MYO16: variants seen among roughly 807,000 people sequenced by gnomAD.
MYO16 encodes the protein unconventional myosin-XVI.
Under a neutral mutation model 205.3 loss-of-function variants are expected in MYO16, and 94 were observed. The ratio of observed to expected loss-of-function variants is 0.46; its 90% CI spans 0.39 to 0.54. MYO16 has a LOEUF of 0.54. MYO16 is among the 20% of genes least tolerant of loss of function. MYO16 has a pLI of 0.00. For missense variants in MYO16, 2,315 were observed against 2,387.5 expected, an observed-to-expected ratio of 0.97 and a Z score of 0.63; for synonymous variants, 988 against 954.0, an observed-to-expected ratio of 1.04 and a Z score of -0.66.
At chr13:108,811,499 T>C (rs1186298910) in intron 7 of MYO16, among the ~76,000 whole-genome samples, 1 of 151,298 alleles carries the variant, frequency 6.6e-6, no homozygotes, top group Non-Finnish European at 1.5e-5. Context: ...CATCTGTGTA[T>C]ACCCAGGGGC....
chr13:109,196,750 G>A (rs958763974), intron 34 of MYO16, among the ~76,000 whole-genome samples: 20 of 152,116 alleles, frequency 1.3e-4, no homozygotes, highest in East Asian at 9.6e-4. Context: ...TTGGACGTCA[G>A]GTTTTCCTAG....
chr13:108,768,631 A>T (rs1193207931), intron 4 of MYO16, among the ~76,000 whole-genome samples: 5 of 152,234 alleles, frequency 3.3e-5, no homozygotes, highest in African/African-American at 7.2e-5. Flanking sequence ...TATAGGACAC[A>T]GACATAGTGT....
intron 5 of MYO16, among the ~76,000 whole-genome samples, chr13:108,790,217 GA>G (rs1423509672): frequency 2.0e-5 from 3 of 152,180 alleles, no homozygotes; most frequent in Non-Finnish European, 4.4e-5. Flanking sequence ...CAGAGAAAAG[GA>G]AAAGTTGAAT....
intron 33 of MYO16, among the ~76,000 whole-genome samples, chr13:109,177,265 C>T (rs891554216): frequency 6.6e-6 from 1 of 152,200 alleles, no homozygotes; most frequent in Non-Finnish European, 1.5e-5. Context: ...AATCATGCTG[C>T]TGTGTGTTTG....
chr13:108,553,005 C>CTTTTTTTTTTTTTTT, the MYO16 span, among the ~76,000 whole-genome samples: 1 of 64,848 alleles, frequency 1.5e-5, no homozygotes, highest in Admixed American at 2.6e-4. Flanking sequence ...CTTTAATACT[C>CTTTTTTTTTTTTTTT]TTTTTTTTTT....
At chr13:108,628,192 T>G (rs559488888), upstream of MYO16, among the ~76,000 whole-genome samples, 1 of 152,312 alleles carries the variant, frequency 6.6e-6, no homozygotes, top group Admixed American at 6.5e-5. Context: ...ATTTTATTCC[T>G]GAAAAGCACC....
chr13:108,603,976 G>C (rs928168473), intron 1 of MYO16, among the ~76,000 whole-genome samples: 7 of 152,114 alleles, frequency 4.6e-5, no homozygotes, highest in Admixed American at 4.6e-4. Flanking sequence ...TCACAGTTCT[G>C]CTTGGCTAGG....
At chr13:108,906,608 T>C (rs189262047) in intron 15 of MYO16, among the ~76,000 whole-genome samples, 3 of 152,310 alleles carry the variant, frequency 2.0e-5, no homozygotes, top group Admixed American at 2.0e-4. Flanking sequence ...GCATCCTTTA[T>C]TGCAAACAGC....
chr13:108,933,762 A>G (rs1007338899), intron 16 of MYO16, among the ~76,000 whole-genome samples: 1 of 151,284 alleles, frequency 6.6e-6, no homozygotes, highest in Admixed American at 6.6e-5. Context: ...CCTTCCTCCC[A>G]CCTCTGGTAG....
At chr13:108,954,729 A>G (rs61968658) in intron 16 of MYO16, among the ~76,000 whole-genome samples, 16,188 of 152,106 alleles carry the variant, frequency 0.11, 1,120 homozygotes, top group Middle Eastern at 0.21. Flanking sequence ...ACAGAGCAAG[A>G]CCCTGTATAA....
chr13:108,737,438 A>C (rs1884744318), intron 4 of MYO16, among the ~76,000 whole-genome samples: 1 of 152,202 alleles, frequency 6.6e-6, no homozygotes, highest in Non-Finnish European at 1.5e-5. Context: ...TCTGGATTAC[A>C]TTTAATGATT....
At chr13:108,589,595 C>T in the MYO16 span, among the ~76,000 whole-genome samples, 2 of 152,066 alleles carry the variant, frequency 1.3e-5, no homozygotes, top group South Asian at 2.1e-4. Context: ...CATCTGATGC[C>T]CCAATATTAC....
chr13:109,117,644 A>G lies in MYO16; in HGVS notation c.3439-2726A>G, dbSNP rs529833716. Among the ~76,000 whole-genome samples, 14 of 151,946 alleles carry G rather than the reference A, an allele frequency of 9.2e-5. No homozygotes were observed. The South Asian group carries it at 2.9e-3, about 32-fold the overall frequency. Reference sequence around the variant, plus strand: ...GGTGTCAAAGCCCTAAAGGAAGTGGAAAGGTGGATATCAAAACTCTAGTAA... The same window carrying G: ...GGTGTCAAAGCCCTAAAGGAAGTGGGAAGGTGGATATCAAAACTCTAGTAA... On this transcript the variant is annotated intron_variant, in intron 28 of 34. Coordinates refer to ENST00000457511, the MANE Select transcript of MYO16 (RefSeq NM_001198950.3).
At chr13:108,784,457 A>T (rs1234179701) in intron 4 of MYO16, among the ~76,000 whole-genome samples, 1 of 152,184 alleles carries the variant, frequency 6.6e-6, no homozygotes, top group Admixed American at 6.5e-5. Context: ...TTGGGGGAAA[A>T]TGTTAAGATA....
chr13:109,199,988 A>C (rs2139968494), intron 34 of MYO16, among the ~76,000 whole-genome samples: 1 of 152,292 alleles, frequency 6.6e-6, no homozygotes, highest in Admixed American at 6.5e-5. Context: ...TTTGTTTGCT[A>C]TTCTAAAATT....
chr13:108,533,681 T>C, the MYO16 span, among the ~76,000 whole-genome samples: 1 of 152,224 alleles, frequency 6.6e-6, no homozygotes, highest in African/African-American at 2.4e-5. Context: ...GGTTCTAATT[T>C]GTATGCTTTC....
intron 27 of MYO16, among the ~76,000 whole-genome samples, chr13:109,062,225 T>A (rs1283378611): frequency 6.6e-6 from 1 of 152,232 alleles, no homozygotes; most frequent in East Asian, 1.9e-4. Context: ...AAATTGAGTA[T>A]AATTTTTATA....
chr13:108,833,567 A>G lies in MYO16; in HGVS notation c.1097+10289A>G, dbSNP rs554503236. On this transcript the variant is annotated intron_variant, in intron 9 of 34. Coordinates refer to ENST00000457511, the MANE Select transcript of MYO16 (RefSeq NM_001198950.3). ...TGTTGTTGTTGTCCTCATGTATCTCAATAGATTCCATTTTATTTCATCTCT... is the reference window on the plus strand; with the variant it reads ...TGTTGTTGTTGTCCTCATGTATCTCGATAGATTCCATTTTATTTCATCTCT... Among the ~76,000 whole-genome samples the G allele has an allele frequency of 1.8e-4, 28 of 152,254 alleles. 2 individuals carry two copies. In the East Asian group the frequency reaches 5.4e-3, roughly 29 times the overall value.
intron 28 of MYO16, among the ~76,000 whole-genome samples, chr13:109,105,204 C>T (rs1889086548): frequency 1.3e-5 from 2 of 152,268 alleles, no homozygotes; most frequent in South Asian, 4.1e-4. Flanking sequence ...GGCGCAGTGG[C>T]TCATGCCTAT....
Sources: gnomAD v4.1 joint callset for allele counts (sites outside exome capture counted in the v4.1 genomes callset) on GRCh38, gnomAD v4.1.1 for gene constraint, MANE v1.5 for transcripts, NCBI Gene and HGNC (gene_info 2026-07-23, HGNC 2026-07-21) for gene names.